ZNF354A: variants seen among roughly 807,000 people sequenced by gnomAD.
ZNF354A encodes the protein epididymis luminal protein 104.
Under a neutral mutation model 53.3 loss-of-function variants are expected in ZNF354A, and 25 were observed. That is an observed-to-expected ratio of 0.47 (90% CI 0.34 to 0.66). The LOEUF (loss-of-function observed/expected upper bound fraction) is 0.66, where lower values mean the gene tolerates loss of function less well. ZNF354A is among the 30% of genes least tolerant of loss of function. ZNF354A has a pLI of 0.01. For synonymous variants in ZNF354A, 228 were observed against 249.0 expected, an observed-to-expected ratio of 0.92 and a Z score of 0.79; for missense variants, 586 against 716.8, an observed-to-expected ratio of 0.82 and a Z score of 2.08.
At chr5:178,714,789 T>C (rs548342298) in intron 4 of ZNF354A, among the ~76,000 whole-genome samples, 28 of 152,078 alleles carry the variant, frequency 1.8e-4, no homozygotes, top group African/African-American at 2.4e-5. Flanking sequence ...TGCACATGTG[T>C]TATACATACA....
rs1465395971 is a variant in ZNF354A at position 178,711,964 on chromosome 5, G to A, written c.*96C>T. The A allele has an allele frequency of 1.4e-6, 2 of 1,447,362 alleles. No homozygotes were observed. The highest frequency in any genetic ancestry group is 1.8e-6 in the Non-Finnish European group (2 of 1,083,768). The allele number at this position is 1,447,362 out of a possible 1,614,324, so 89.7% of individuals were successfully genotyped here. ...ACCTAATGAGGGCTAAATTATTACA[G>A]TTTTTTTCACATCCATTACATTTAT... On this transcript the variant is annotated 3_prime_UTR_variant, in exon 5 of 5. Coordinates refer to ENST00000335815, the MANE Select transcript of ZNF354A (RefSeq NM_005649.3).
chr5:178,729,406 C>A (rs1765981695), intron 1 of ZNF354A: 1 of 239,470 alleles, frequency 4.2e-6, no homozygotes, highest in African/African-American at 2.4e-5. Flanking sequence ...TGAGGCAGCG[C>A]CGGGGCACCT....
rs62392837 is a variant in ZNF354A, at chr5:178,720,714, T to C, written c.256+4662A>G. 8.8e-3 allele frequency among the ~76,000 whole-genome samples: 1,346 copies of C among 152,300 alleles called. 17 individuals carry two copies. Among genetic ancestry groups the C allele is most frequent in the Non-Finnish European group, 0.013 (856 of 68,026 alleles). On this transcript the variant is annotated intron_variant, in intron 4 of 4. Transcript: ENST00000335815. ...ACTTCAGTATGGAGCCCTAGCAAAC[T>C]AACACAAACCCTTTCATCTCGTCCA... is the stretch of plus-strand genomic sequence containing the variant.
intron 4 of ZNF354A, among the ~76,000 whole-genome samples, chr5:178,715,975 C>A (rs1020675004): frequency 4.0e-5 from 6 of 151,482 alleles, no homozygotes; most frequent in Non-Finnish European, 7.4e-5. Context: ...CGGCTCACTG[C>A]AACCTCCCCC....
chr5:178,730,207 G>T (rs990372976), intron 1 of ZNF354A, among the ~76,000 whole-genome samples: 1 of 152,160 alleles, frequency 6.6e-6, no homozygotes, highest in Admixed American at 6.5e-5. Context: ...GTCCCGAGGC[G>T]GGAGGGGTGG....
At chr5:178,727,219 C>T (rs35528027) in intron 2 of ZNF354A, 94 bp from the exon 3 acceptor site, 172,350 of 1,128,336 alleles carry the variant, frequency 0.15, 15,971 homozygotes, top group South Asian at 0.23. Flanking sequence ...GAAACACTTC[C>T]CATACTATTC....
chr5:178,714,155 C>T (rs901645492), intron 4 of ZNF354A, among the ~76,000 whole-genome samples: 2 of 152,026 alleles, frequency 1.3e-5, no homozygotes, highest in African/African-American at 4.8e-5. Context: ...CAGGCACCCA[C>T]CATCATGCCT....
At chr5:178,721,384 T>C (rs1041822108) in intron 4 of ZNF354A, among the ~76,000 whole-genome samples, 1 of 152,142 alleles carries the variant, frequency 6.6e-6, no homozygotes, top group Non-Finnish European at 1.5e-5. Flanking sequence ...TATTAAAACA[T>C]AGAAAAGGGA....
chr5:178,720,225 A>C (rs1765787145), intron 4 of ZNF354A, among the ~76,000 whole-genome samples: 1 of 152,252 alleles, frequency 6.6e-6, no homozygotes, highest in South Asian at 2.1e-4. Context: ...GCCAGTTTCA[A>C]TAACCAGCAA....
chr5:178,725,014 C>G (rs553798621), intron 4 of ZNF354A, among the ~76,000 whole-genome samples: 35 of 152,364 alleles, frequency 2.3e-4, no homozygotes, highest in Admixed American at 1.2e-3. Flanking sequence ...GAACCGTGCC[C>G]AAGCACTTAC....
intron 1 of ZNF354A, among the ~76,000 whole-genome samples, 159 bp downstream of exon 1, chr5:178,730,397 C>G (rs1448936021): frequency 7.1e-6 from 1 of 140,810 alleles, no homozygotes; most frequent in African/African-American, 2.4e-5. Flanking sequence ...GAGGGAGCGC[C>G]CCGCGGGGGG....
intron 4 of ZNF354A, among the ~76,000 whole-genome samples, chr5:178,717,554 G>C (rs1032074023): frequency 2.0e-5 from 3 of 151,754 alleles, no homozygotes; most frequent in Admixed American, 2.0e-4. Context: ...AGGCTGAGGG[G>C]GCATTCTGTT....
intron 4 of ZNF354A, among the ~76,000 whole-genome samples, chr5:178,721,548 G>A (rs1765813290): frequency 6.6e-6 from 1 of 152,146 alleles, no homozygotes; most frequent in Non-Finnish European, 1.5e-5. Context: ...AGTACTAACT[G>A]TGCTGTTCTG....
chr5:178,725,332 G>A (rs866094111), intron 4 of ZNF354A, 44 bp downstream of exon 4: 1 of 1,584,284 alleles, frequency 6.3e-7, no homozygotes, highest in East Asian at 2.2e-5. Context: ...TCATTAACCA[G>A]ACCATTGTCT....
At chr5:178,725,179 C>T (rs1940741071) in intron 4 of ZNF354A, among the ~76,000 whole-genome samples, 197 bp downstream of exon 4, 1 of 152,184 alleles carries the variant, frequency 6.6e-6, no homozygotes, top group Non-Finnish European at 1.5e-5. Flanking sequence ...TATTCTAAAA[C>T]AACAGGAAAG....
At chr5:178,716,729 CAG>C (rs1265442566) in intron 4 of ZNF354A, among the ~76,000 whole-genome samples, 1 of 152,082 alleles carries the variant, frequency 6.6e-6, no homozygotes, top group African/African-American at 2.4e-5. Context: ...TTAGGAACAG[CAG>C]AGAGACTGGC....
Position 178,725,458 on chromosome 5 carries a change from G to A in ZNF354A, c.174C>T (p.Thr58=). Residue 58 remains threonine (T), a synonymous_variant, in exon 4 of 5, where the codon ACC becomes ACT. Transcript: ENST00000335815. ...RNLVSLGLPF[T]KPKVISLLQQ... ...GCAACAGGGAGATCACTTTTGGTTT[G>A]GTAAATGGGAGCCCTGCACATAAAC... 6.2e-7 allele frequency: 1 copy of A among 1,613,970 alleles called. No individual in the cohort carries two copies. The highest frequency in any genetic ancestry group is 2.2e-5 in the East Asian group (1 of 44,886).
chr5:178,711,985 T>G lies in ZNF354A; in HGVS notation c.*75A>C. ...TACAGTTTTTTTCACATCCATTACA[T>G]TTATTACATCTCTCTCAAGGATGTA... On this transcript the variant is annotated 3_prime_UTR_variant, in exon 5 of 5. Coordinates refer to ENST00000335815, the MANE Select transcript of ZNF354A (RefSeq NM_005649.3). 2 of 1,490,504 alleles carry G rather than the reference T, an allele frequency of 1.3e-6. No homozygotes were observed. Among genetic ancestry groups the G allele is most frequent in the Non-Finnish European group, 1.8e-6 (2 of 1,117,324 alleles). The allele number at this position is 1,490,504 out of a possible 1,614,324, so 92.3% of individuals were successfully genotyped here. A position where few individuals can be genotyped will look rare whatever the true frequency, so the allele number is the denominator to read the frequency against.
At chr5:178,721,673 C>CT (rs1173607995) in intron 4 of ZNF354A, among the ~76,000 whole-genome samples, 6 of 152,050 alleles carry the variant, frequency 3.9e-5, no homozygotes, top group Non-Finnish European at 8.8e-5. Context: ...AGTGCCTTAG[C>CT]TTTAGTTCTA....
Sources: gnomAD v4.1 joint callset for allele counts (sites outside exome capture counted in the v4.1 genomes callset) on GRCh38, gnomAD v4.1.1 for gene constraint, MANE v1.5 for transcripts, NCBI Gene and HGNC (gene_info 2026-07-23, HGNC 2026-07-21) for gene names.